The following COLEC12 variants were observed in gnomAD, a reference collection of about 807,000 sequenced individuals.
COLEC12 encodes collectin-12.
COLEC12 carries 33 observed loss-of-function variants against 71.1 expected under a neutral mutation model. The ratio of observed to expected loss-of-function variants is 0.46; its 90% CI spans 0.35 to 0.62. The LOEUF is 0.62. COLEC12 is among the 20% of genes least tolerant of loss of function. The probability of loss-of-function intolerance (pLI) is 0.00; values close to 1 mark genes in which losing one functional copy is unlikely to be tolerated. For missense variants in COLEC12, 765 were observed against 916.1 expected, an observed-to-expected ratio of 0.84 and a Z score of 2.13; for synonymous variants, 350 against 353.0, an observed-to-expected ratio of 0.99 and a Z score of 0.10.
intron 2 of COLEC12, among the ~76,000 whole-genome samples, chr18:454,403 C>T (rs1051278005): frequency 4.6e-5 from 7 of 152,282 alleles, no homozygotes; most frequent in African/African-American, 7.2e-5. Context: ...ACTCATCAGC[C>T]GGGCATGGTG....
At chr18:440,418 T>G (rs1363442347) in intron 2 of COLEC12, among the ~76,000 whole-genome samples, 1 of 151,972 alleles carries the variant, frequency 6.6e-6, no homozygotes, top group Non-Finnish European at 1.5e-5. Flanking sequence ...GGTAACTATG[T>G]GAAGGGATAA....
At chr18:428,799 TA>T (rs1264252638) in intron 2 of COLEC12, among the ~76,000 whole-genome samples, 1 of 152,238 alleles carries the variant, frequency 6.6e-6, no homozygotes, top group Non-Finnish European at 1.5e-5. Flanking sequence ...TTCATTAATT[TA>T]ATGTTTTTCT....
intron 2 of COLEC12, among the ~76,000 whole-genome samples, chr18:478,667 G>A: frequency 6.6e-6 from 1 of 152,120 alleles, no homozygotes; most frequent in Non-Finnish European, 1.5e-5. Flanking sequence ...TCTTCCATCT[G>A]CAAAGATCTA....
chr18:407,610 T>A (rs566384152), intron 2 of COLEC12, among the ~76,000 whole-genome samples: 1 of 152,328 alleles, frequency 6.6e-6, no homozygotes, highest in African/African-American at 2.4e-5. Flanking sequence ...AGGTCATCAG[T>A]TGACAGAATG....
At chr18:403,122 A>C (rs905074488) in intron 2 of COLEC12, among the ~76,000 whole-genome samples, 2 of 152,226 alleles carry the variant, frequency 1.3e-5, no homozygotes, top group Admixed American at 1.3e-4. Context: ...GGATCATGAT[A>C]CAAAGGACTT....
chr18:366,047 C>T (rs1250448542), intron 2 of COLEC12, among the ~76,000 whole-genome samples: 2 of 152,158 alleles, frequency 1.3e-5, no homozygotes, highest in Non-Finnish European at 2.9e-5. Context: ...CTTGCTACAT[C>T]CTGTTTATTC....
intron 2 of COLEC12, among the ~76,000 whole-genome samples, chr18:400,740 A>G (rs1042928045): frequency 6.6e-6 from 1 of 152,202 alleles, no homozygotes; most frequent in Non-Finnish European, 1.5e-5. Flanking sequence ...GCCTGAGCAC[A>G]TGGCTGTCGG....
At position 331,717 on chromosome 18, in the gene COLEC12, CTGAGTCTG is replaced by C; in HGVS notation, c.2006_2013del (p.Thr669ArgfsTer3). 2 of 1,614,094 alleles carry C rather than the reference CTGAGTCTG, an allele frequency of 1.2e-6. No individual in the cohort carries two copies. Among genetic ancestry groups the C allele is most frequent in the Non-Finnish European group, 1.7e-6 (2 of 1,179,946 alleles). ...AGCCACTTCCATTCATTTTCACGCT[CTGAGTCTG>C]TGAGGCCGATCCAGTGGCTCTCTCT... On this transcript the variant is annotated frameshift_variant, in exon 8 of 10. Coordinates refer to ENST00000400256, the MANE Select transcript of COLEC12 (RefSeq NM_130386.3). LOFTEE classifies it high-confidence loss of function.
chr18:337,601 C>G (rs12969867), intron 5 of COLEC12, among the ~76,000 whole-genome samples: 18,583 of 152,206 alleles, frequency 0.12, 1,366 homozygotes, highest in African/African-American at 0.18. Flanking sequence ...AAATGGGAGA[C>G]TTTAGAAGAC....
chr18:397,061 G>GT lies in COLEC12; in HGVS notation c.59-39540dup, dbSNP rs1915587127. On this transcript the variant is annotated intron_variant, in intron 2 of 9. Coordinates refer to ENST00000400256, the MANE Select transcript of COLEC12 (RefSeq NM_130386.3). ...TGGATGGACCTTGTTGCTTTGTTGAGTTTGTGTCTACTTTCCCTGGATCCT... is the reference window on the plus strand; with the variant it reads ...TGGATGGACCTTGTTGCTTTGTTGAGTTTTGTGTCTACTTTCCCTGGATCCT... 2.6e-5 allele frequency among the ~76,000 whole-genome samples: 4 copies of GT among 152,202 alleles called. No individual in the cohort carries two copies. In the South Asian group the frequency reaches 8.3e-4, roughly 32 times the overall value.
At chr18:466,201 C>T (rs1320900659) in intron 2 of COLEC12, among the ~76,000 whole-genome samples, 2 of 152,134 alleles carry the variant, frequency 1.3e-5, no homozygotes, top group African/African-American at 2.4e-5. Context: ...GATCGCACCA[C>T]TGCACTCCAG....
At chr18:377,069 C>T (rs1419752228) in intron 2 of COLEC12, among the ~76,000 whole-genome samples, 2 of 152,172 alleles carry the variant, frequency 1.3e-5, no homozygotes, top group Non-Finnish European at 2.9e-5. Context: ...TGTCATTGCT[C>T]TTGGGGTCCA....
In COLEC12 at chr18:449,699, C is replaced by T. The variant is rs548430337; in HGVS notation, c.58+31008G>A. 3.4e-3 allele frequency among the ~76,000 whole-genome samples: 511 copies of T among 152,304 alleles called. 1 individual carries two copies. The highest frequency in any genetic ancestry group is 0.011 in the African/African-American group (470 of 41,558). ...TCCTGCCGAGGCCACACAGTCCGGGCGGAGTCTGCTTACAGCCAATGACTG... is the reference window on the plus strand; with the variant it reads ...TCCTGCCGAGGCCACACAGTCCGGGTGGAGTCTGCTTACAGCCAATGACTG... On this transcript the variant is annotated intron_variant, in intron 2 of 9. Transcript: ENST00000400256.
chr18:330,489 GT>G (rs5822557), intron 8 of COLEC12, among the ~76,000 whole-genome samples: 49,480 of 147,410 alleles, frequency 0.34, 8,705 homozygotes, highest in East Asian at 0.58. Flanking sequence ...TACTCAGAGG[GT>G]TTTTTTTTTT....
At chr18:481,140 C>G (rs763066135) in intron 1 of COLEC12, among the ~76,000 whole-genome samples, 2 of 152,136 alleles carry the variant, frequency 1.3e-5, no homozygotes, top group Admixed American at 6.5e-5. Context: ...GAAACTTTTT[C>G]TGCTCACAGA....
rs749706597 is a variant in COLEC12, at chr18:335,181, G to A, written c.1377C>T (p.Pro459=). 2.5e-6 allele frequency: 4 copies of A among 1,611,740 alleles called. No homozygotes were observed. The highest frequency in any genetic ancestry group is 1.1e-5 in the South Asian group (1 of 90,888). Residue 459 remains proline, a synonymous_variant, in exon 6 of 10, where the codon CCC becomes CCT. Transcript: ENST00000400256. ...GPRGDRGSQG[P]PGPTGNKGQK... ...GTCCCTTGTTGCCAGTTGGGCCAGG[G>A]GGTCCCTGGGATCCTCTGTCACCTC...
rs190022746 is a variant in COLEC12 at position 411,051 on chromosome 18, C to T, written c.59-53529G>A. 2.6e-4 allele frequency among the ~76,000 whole-genome samples: 40 copies of T among 152,250 alleles called. No individual in the cohort carries two copies. In the East Asian group the frequency reaches 7.0e-3, roughly 27 times the overall value. ...CCATAATGGAGCCACCCCTACTGCG[C>T]TATCAAAAGAACCACACGGAGAGCT... On this transcript the variant is annotated intron_variant, in intron 2 of 9. Transcript: ENST00000400256.
intron 2 of COLEC12, among the ~76,000 whole-genome samples, chr18:358,997 C>G (rs897948030): frequency 6.6e-6 from 1 of 152,030 alleles, no homozygotes; most frequent in Middle Eastern, 3.4e-3. Context: ...ATGATAATTA[C>G]GATGATAATT....
chr18:466,579 G>A (rs990006094), intron 2 of COLEC12, among the ~76,000 whole-genome samples: 1 of 152,142 alleles, frequency 6.6e-6, no homozygotes, highest in Non-Finnish European at 1.5e-5. Context: ...TATTAGATGA[G>A]GAGCTTTGGT....
Sources: gnomAD v4.1 joint callset for allele counts (sites outside exome capture counted in the v4.1 genomes callset) on GRCh38, gnomAD v4.1.1 for gene constraint, MANE v1.5 for transcripts, NCBI Gene and HGNC (gene_info 2026-07-23, HGNC 2026-07-21) for gene names.